CCNY: variants seen among roughly 807,000 people sequenced by gnomAD.
The protein encoded by CCNY is cyclin Y.
CCNY carries 19 observed loss-of-function variants against 42.8 expected under a neutral mutation model. The ratio of observed to expected loss-of-function variants is 0.44; its 90% CI spans 0.31 to 0.65. The LOEUF is 0.65. Ranked by LOEUF, CCNY falls within the 30% of genes least tolerant of loss-of-function variation. The pLI is 0.07. For missense variants in CCNY, 370 were observed against 437.3 expected, an observed-to-expected ratio of 0.85 and a Z score of 1.37; for synonymous variants, 165 against 162.7, an observed-to-expected ratio of 1.01 and a Z score of -0.11.
rs113962581 is a variant in CCNY at position 35,492,387 on chromosome 10, A to G, written c.229+8909A>G. Among the ~76,000 whole-genome samples the G allele has an allele frequency of 3.4e-3, 513 of 152,304 alleles. 4 individuals carry two copies. The highest frequency in any genetic ancestry group is 0.012 in the African/African-American group (482 of 41,548). ...TTCTCTTCATTCCATTGATTGTGAT[A>G]GACACCTTTCCTTGGCTGGAACACC... On this transcript the variant is annotated intron_variant, in intron 2 of 9. Coordinates refer to ENST00000374704, the MANE Select transcript of CCNY (RefSeq NM_145012.6).
At chr10:35,379,761 TCTCGTGCTTGC>T (rs1167579596) in intron 1 of CCNY, among the ~76,000 whole-genome samples, 6 of 152,264 alleles carry the variant, frequency 3.9e-5, no homozygotes, top group Non-Finnish European at 2.9e-5. Flanking sequence ...CTGAGAATTC[TCTCGTGCTTGC>T]CTTTGCCTTT....
At chr10:35,275,843 C>T (rs1444978139) in intron 3 of CCNY, among the ~76,000 whole-genome samples, 3 of 152,306 alleles carry the variant, frequency 2.0e-5, no homozygotes, top group Non-Finnish European at 4.4e-5. Context: ...GCAAACTGGA[C>T]CTAGGTCGGG....
chr10:35,477,777 G>A (rs1021106261), intron 1 of CCNY, among the ~76,000 whole-genome samples: 10 of 152,188 alleles, frequency 6.6e-5, no homozygotes, highest in Non-Finnish European at 1.0e-4. Context: ...AGTGTTGGAA[G>A]TTCTGGCCAG....
intron 1 of CCNY, among the ~76,000 whole-genome samples, chr10:35,475,946 C>G (rs1839499233): frequency 6.6e-6 from 1 of 152,056 alleles, no homozygotes; most frequent in Non-Finnish European, 1.5e-5. Context: ...GGAGGAAGAT[C>G]TGCCAAGCAA....
At chr10:35,450,892 A>G (rs1838901851) in intron 1 of CCNY, among the ~76,000 whole-genome samples, 1 of 151,970 alleles carries the variant, frequency 6.6e-6, no homozygotes, top group Non-Finnish European at 1.5e-5. Context: ...ACTTTGGAGC[A>G]GCTACTTCCT....
chr10:35,392,689 T>G (rs1318931969), intron 1 of CCNY, among the ~76,000 whole-genome samples: 3 of 152,080 alleles, frequency 2.0e-5, no homozygotes, highest in African/African-American at 4.8e-5. Flanking sequence ...GGGCCTTGAA[T>G]GCCAGGCCAG....
chr10:35,528,719 G>A (rs938972779), intron 5 of CCNY, among the ~76,000 whole-genome samples: 6 of 152,092 alleles, frequency 3.9e-5, no homozygotes, highest in African/African-American at 1.4e-4. Context: ...GCAAGACTCC[G>A]TCTCAAAAAA....
intron 1 of CCNY, among the ~76,000 whole-genome samples, chr10:35,477,162 A>G (rs1295450233): frequency 2.0e-5 from 3 of 152,078 alleles, no homozygotes; most frequent in Non-Finnish European, 4.4e-5. Flanking sequence ...ACCAACCAAA[A>G]AGAGTCCAGG....
At chr10:35,344,564 C>T (rs1836257532) in intron 1 of CCNY, among the ~76,000 whole-genome samples, 1 of 151,934 alleles carries the variant, frequency 6.6e-6, no homozygotes, top group Non-Finnish European at 1.5e-5. Context: ...AGTTGGTATA[C>T]TTTATTTCTT....
chr10:35,452,244 T>C (rs1230379752), intron 1 of CCNY, among the ~76,000 whole-genome samples: 1 of 152,224 alleles, frequency 6.6e-6, no homozygotes, highest in Non-Finnish European at 1.5e-5. Flanking sequence ...CATTCCACAC[T>C]TGAGGCTCAA....
chr10:35,473,945 T>C (rs984598883), intron 1 of CCNY, among the ~76,000 whole-genome samples: 2 of 152,226 alleles, frequency 1.3e-5, no homozygotes, highest in South Asian at 2.1e-4. Flanking sequence ...GCGCGCACCA[T>C]GCGCGAGCCG....
At chr10:35,389,320 G>A (rs1837362528) in intron 1 of CCNY, among the ~76,000 whole-genome samples, 1 of 152,010 alleles carries the variant, frequency 6.6e-6, no homozygotes, top group Admixed American at 6.5e-5. Context: ...TTTGAATCCT[G>A]GCATTACCAC....
intron 8 of CCNY, among the ~76,000 whole-genome samples, chr10:35,562,700 G>A (rs555816499): frequency 6.6e-6 from 1 of 152,004 alleles, no homozygotes; most frequent in African/African-American, 2.4e-5. Flanking sequence ...GTCCCATTTT[G>A]TTTATCCACT....
intron 1 of CCNY, among the ~76,000 whole-genome samples, chr10:35,344,288 C>G (rs1301428524): frequency 6.6e-6 from 1 of 152,206 alleles, no homozygotes; most frequent in Non-Finnish European, 1.5e-5. Context: ...GAGAGGAAGC[C>G]TTGTAATGGG....
rs1841662630 is a variant in CCNY at position 35,570,336 on chromosome 10, A to T, written c.*1166A>T. The T allele has an allele frequency of 6.6e-6, 1 of 152,308 alleles. No homozygotes were observed. The highest frequency in any genetic ancestry group is 1.5e-5 in the Non-Finnish European group (1 of 68,044). The allele number at this position is 152,308 out of a possible 1,614,324, so 9.4% of individuals were successfully genotyped here. On this transcript the variant is annotated 3_prime_UTR_variant, in exon 10 of 10. Coordinates refer to ENST00000374704, the MANE Select transcript of CCNY (RefSeq NM_145012.6). Reference sequence around the variant, plus strand: ...TCACAGAATGATTGAATTAAAAAAAACTCAACTTGCATTTTCATTGTGGGT... The same window carrying T: ...TCACAGAATGATTGAATTAAAAAAATCTCAACTTGCATTTTCATTGTGGGT...
chr10:35,423,154 T>C (rs951255520), intron 1 of CCNY, among the ~76,000 whole-genome samples: 6 of 152,212 alleles, frequency 3.9e-5, no homozygotes, highest in Admixed American at 3.9e-4. Flanking sequence ...ATTTCCACTT[T>C]TTTTTATAGA....
chr10:35,489,612 G>A (rs1426288958), intron 2 of CCNY, among the ~76,000 whole-genome samples: 1 of 152,036 alleles, frequency 6.6e-6, no homozygotes, highest in Non-Finnish European at 1.5e-5. Context: ...TATATAAATA[G>A]ATGGAAATAG....
At chr10:35,523,668 C>T (rs376882391) in intron 4 of CCNY, among the ~76,000 whole-genome samples, 10 of 152,138 alleles carry the variant, frequency 6.6e-5, no homozygotes, top group South Asian at 2.1e-4. Context: ...CTCGCCCATT[C>T]GGCAGAAGCC....
intron 1 of CCNY, among the ~76,000 whole-genome samples, chr10:35,427,214 G>T (rs1326782058): frequency 6.6e-6 from 1 of 152,226 alleles, no homozygotes. Context: ...TGTCAGTCGA[G>T]CGTTGTTGGT....
Sources: gnomAD v4.1 joint callset for allele counts (sites outside exome capture counted in the v4.1 genomes callset) on GRCh38, gnomAD v4.1.1 for gene constraint, MANE v1.5 for transcripts, NCBI Gene and HGNC (gene_info 2026-07-23, HGNC 2026-07-21) for gene names.